Variants in UQCRB observed in about 807,000 individuals in gnomAD.
UQCRB encodes ubiquinol-cytochrome c reductase binding protein.
UQCRB carries 12 observed loss-of-function variants against 19.8 expected under a neutral mutation model. That is an observed-to-expected ratio of 0.61 (90% CI 0.39 to 0.98). The LOEUF (loss-of-function observed/expected upper bound fraction) is 0.98. Among genes scored for constraint, UQCRB ranks in the 50% least tolerant of loss-of-function variants. The pLI is 0.00. For synonymous variants in UQCRB, 39 were observed against 42.9 expected, an observed-to-expected ratio of 0.91 and a Z score of 0.35; for missense variants, 142 against 131.8, an observed-to-expected ratio of 1.08 and a Z score of -0.38.
rs1293094380 is a variant in UQCRB, at chr8:96,232,047, A to G, written c.92-107T>C. 3 of 1,068,534 alleles carry G rather than the reference A, an allele frequency of 2.8e-6. No homozygotes were observed. In the African/African-American group the frequency reaches 4.7e-5, roughly 17 times the overall value. The allele number at this position is 1,068,534 out of a possible 1,614,324, so 66.2% of individuals were successfully genotyped here. On this transcript the variant is annotated intron_variant, in intron 2 of 3. Transcript: ENST00000287022. ...TATAACTTACAACTTTTGGTGAACTATCGAATTCAAATCACTAGGTTCAAT... is the reference window on the plus strand; with the variant it reads ...TATAACTTACAACTTTTGGTGAACTGTCGAATTCAAATCACTAGGTTCAAT...
chr8:96,231,435 C>T, intron 3 of UQCRB: 1 of 1,536,088 alleles, frequency 6.5e-7, no homozygotes, highest in Non-Finnish European at 8.7e-7. Context: ...AGAAGCTCTT[C>T]TTGGGATCTG....
chr8:96,233,338 T>A, intron 1 of UQCRB, 111 bp from the exon 2 acceptor site: 1 of 990,502 alleles, frequency 1.0e-6, no homozygotes, highest in Non-Finnish European at 1.6e-6. Context: ...AACATAGAAA[T>A]AAATTTCCTT....
chr8:96,234,508 T>C, intron 1 of UQCRB: 1 of 1,288,886 alleles, frequency 7.8e-7, no homozygotes, highest in Non-Finnish European at 1.0e-6. Flanking sequence ...AGAAGCAGTG[T>C]CTTGAATTTA....
At position 96,224,336 on chromosome 8, in the gene UQCRB, G is replaced by C. The variant is rs1259268656; in HGVS notation, c.*6719C>G. 6.6e-6 allele frequency among the ~76,000 whole-genome samples: 1 copy of C among 152,180 alleles called. No homozygotes were observed. Among genetic ancestry groups the C allele is most frequent in the Non-Finnish European group, 1.5e-5 (1 of 68,026 alleles). On this transcript the variant is annotated 3_prime_UTR_variant, in exon 4 of 4. Coordinates refer to ENST00000287022, the MANE Select transcript of UQCRB (RefSeq NM_006294.5). ...AGCTTTCTTCAGAGGAACGTGGGCT[G>C]GGGAATAAATATCTCTGTCTCTCTC...
Position 96,233,140 on chromosome 8 carries a change from C to A in UQCRB, c.91+16G>T, listed in dbSNP as rs114435805. ...AACAACAACAACAAAAAACATTAAACAGCACAGCTGCTTACCCAGTTTATT... is the reference window on the plus strand; with the variant it reads ...AACAACAACAACAAAAAACATTAAAAAGCACAGCTGCTTACCCAGTTTATT... On this transcript the variant is annotated intron_variant, in intron 2 of 3. Transcript: ENST00000287022. 2 of 1,606,464 alleles carry A rather than the reference C, an allele frequency of 1.2e-6. No individual in the cohort carries two copies. Among genetic ancestry groups the A allele is most frequent in the East Asian group, 2.2e-5 (1 of 44,764 alleles).
intron 1 of UQCRB, chr8:96,234,528 C>A: frequency 7.8e-7 from 1 of 1,284,910 alleles, no homozygotes; most frequent in Non-Finnish European, 1.0e-6. Context: ...AGTAAGACTC[C>A]TTCAATATCT....
chr8:96,234,499 G>T, intron 1 of UQCRB: 1 of 1,288,970 alleles, frequency 7.8e-7, no homozygotes, highest in Non-Finnish European at 1.0e-6. Flanking sequence ...AACACGCACA[G>T]AAGCAGTGTC....
intron 1 of UQCRB, chr8:96,233,497 A>G: frequency 2.3e-6 from 1 of 430,458 alleles, no homozygotes; most frequent in Non-Finnish European, 4.2e-6. Flanking sequence ...AAGTCATGAA[A>G]GAAAAGGGTA....
At position 96,230,055 on chromosome 8, in the gene UQCRB, G is replaced by C. The variant is rs1341940418; in HGVS notation, c.*1000C>G. On this transcript the variant is annotated 3_prime_UTR_variant, in exon 4 of 4. Coordinates refer to ENST00000287022, the MANE Select transcript of UQCRB (RefSeq NM_006294.5). Reference sequence around the variant, plus strand: ...ACCAAAGAAAGCATTTCAGAATTTAGGAGTGGAAATGATGACAACATTGAA... The same window carrying C: ...ACCAAAGAAAGCATTTCAGAATTTACGAGTGGAAATGATGACAACATTGAA... 2.2e-6 allele frequency: 1 copy of C among 453,942 alleles called. No homozygotes were observed. Among genetic ancestry groups the C allele is most frequent in the Non-Finnish European group, 4.4e-6 (1 of 226,782 alleles). 28.1% of individuals were successfully genotyped at this position (453,942 alleles called of 1,614,324 possible). A position where few individuals can be genotyped will look rare whatever the true frequency, so the allele number is the denominator to read the frequency against.
chr8:96,231,822 G>A lies in UQCRB; in HGVS notation c.210C>T (p.Asn70=). ...MFRIKRALDL[N]LKHQILPKEQ... ...CTTTAGGCAAGATCTGATGCTTCAAGTTCAGGTCCAGTGCCCTCTTAATGC... is the reference window on the plus strand; with the variant it reads ...CTTTAGGCAAGATCTGATGCTTCAAATTCAGGTCCAGTGCCCTCTTAATGC... The change falls in exon 3 of 4, where the codon AAC becomes AAT. Residue 70 remains asparagine (N), a synonymous_variant. Transcript: ENST00000287022. 6.2e-7 allele frequency: 1 copy of A among 1,614,124 alleles called. No homozygotes were observed. The highest frequency in any genetic ancestry group is 1.1e-5 in the South Asian group (1 of 91,086).
In UQCRB at chr8:96,224,616, C is replaced by T. The variant is rs79360341; in HGVS notation, c.*6439G>A. 0.043 allele frequency among the ~76,000 whole-genome samples: 6,535 copies of T among 152,222 alleles called. 204 individuals are homozygous for T. Among genetic ancestry groups the T allele is most frequent in the Non-Finnish European group, 0.063 (4,298 of 68,008 alleles). ...TCAACAGACCCGTGTTTGTGGAGCC[C>T]CTCCGGACCTCTCTCTTTTACCCTT... On this transcript the variant is annotated 3_prime_UTR_variant, in exon 4 of 4. Transcript: ENST00000287022.
chr8:96,229,412 A>G lies in UQCRB; in HGVS notation c.*1643T>C, dbSNP rs1297922432. The G allele has an allele frequency of 4.0e-5, 18 of 454,088 alleles. No homozygotes were observed. The highest frequency in any genetic ancestry group is 2.8e-4 in the East Asian group (4 of 14,392). 28.1% of individuals were successfully genotyped at this position (454,088 alleles called of 1,614,324 possible). Reference sequence around the variant, plus strand: ...CCTCCCTCCACCCACCCGGCTCCCTACACACCTTGACAGTGCTCTTTGAGA... The same window carrying G: ...CCTCCCTCCACCCACCCGGCTCCCTGCACACCTTGACAGTGCTCTTTGAGA... On this transcript the variant is annotated 3_prime_UTR_variant, in exon 4 of 4. Coordinates refer to ENST00000287022, the MANE Select transcript of UQCRB (RefSeq NM_006294.5).
chr8:96,233,332 T>C (rs998757903), intron 1 of UQCRB, 105 bp from the exon 2 acceptor site: 5 of 1,019,122 alleles, frequency 4.9e-6, no homozygotes, highest in African/African-American at 4.8e-5. Flanking sequence ...AATGCAAACA[T>C]AGAAATAAAT....
rs1809783934 is a variant in UQCRB at position 96,235,322 on chromosome 8, TAC to T, written c.19+188_19+189del. ...ACAGCGGGTTAACATCCCAACCCTA[TAC>T]AGGCAAGCCCGCCCTGGGGACAGCA... On this transcript the variant is annotated intron_variant, in intron 1 of 3. Coordinates refer to ENST00000287022, the MANE Select transcript of UQCRB (RefSeq NM_006294.5). The T allele has an allele frequency of 8.3e-6, 7 of 841,630 alleles. 1 individual carries two copies. In the South Asian group the frequency reaches 1.1e-4, roughly 13 times the overall value. The allele number at this position is 841,630 out of a possible 1,614,324, so 52.1% of individuals were successfully genotyped here. A position where few individuals can be genotyped will look rare whatever the true frequency, so the allele number is the denominator to read the frequency against.
Position 96,228,494 on chromosome 8 carries a change from T to G in UQCRB, c.*2561A>C, listed in dbSNP as rs187803166. 2.2e-6 allele frequency: 1 copy of G among 453,948 alleles called. No homozygotes were observed. The highest frequency in any genetic ancestry group is 4.4e-6 in the Non-Finnish European group (1 of 226,770). 28.1% of individuals were successfully genotyped at this position (453,948 alleles called of 1,614,324 possible). On this transcript the variant is annotated 3_prime_UTR_variant, in exon 4 of 4. Transcript: ENST00000287022. ...ATGAACCAGAAACAAGAGTGCCACATAGAAGGAAGAGAGGAGACCTTGGAC... is the reference window on the plus strand; with the variant it reads ...ATGAACCAGAAACAAGAGTGCCACAGAGAAGGAAGAGAGGAGACCTTGGAC...
chr8:96,231,983 A>G (rs765687499), intron 2 of UQCRB, 43 bp from the exon 3 acceptor site: 3 of 1,605,876 alleles, frequency 1.9e-6, no homozygotes, highest in Non-Finnish European at 2.5e-6. Context: ...CATCTCAAAA[A>G]TCGCGGTTTT....
rs145974195 is a variant in UQCRB, at chr8:96,231,854, T to C, written c.178A>G (p.Met60Val). ...RLPENLYNDR[M>V]FRIKRALDLN... ...TCCAGTGCCCTCTTAATGCGAAACA[T>C]CCTGTCATTATAAAGGTTCTCAGGA... The change falls in exon 3 of 4, where the codon ATG becomes GTG. Residue 60 changes from methionine to valine, a missense_variant. Met to Val is a conservative substitution (Grantham distance 21). Transcript: ENST00000287022. The C allele has an allele frequency of 6.2e-7, 1 of 1,614,042 alleles. No homozygotes were observed. The highest frequency in any genetic ancestry group is 1.3e-5 in the African/African-American group (1 of 74,924).
Position 96,230,684 on chromosome 8 carries a change from A to G in UQCRB, c.*371T>C, listed in dbSNP as rs1471198983. 3 of 469,608 alleles carry G rather than the reference A, an allele frequency of 6.4e-6. No individual in the cohort carries two copies. The highest frequency in any genetic ancestry group is 1.3e-5 in the Non-Finnish European group (3 of 237,630). 29.1% of individuals were successfully genotyped at this position (469,608 alleles called of 1,614,324 possible). A position where few individuals can be genotyped will look rare whatever the true frequency, so the allele number is the denominator to read the frequency against. Reference sequence around the variant, plus strand: ...ATACCAGTGAAGAGGCTATTTCTCAATCTTGGCAAACTAGGGGGTGCATAC... The same window carrying G: ...ATACCAGTGAAGAGGCTATTTCTCAGTCTTGGCAAACTAGGGGGTGCATAC... On this transcript the variant is annotated 3_prime_UTR_variant, in exon 4 of 4. Transcript: ENST00000287022.
In UQCRB at chr8:96,228,913, A is replaced by G; in HGVS notation, c.*2142T>C. 1 of 454,090 alleles carries G rather than the reference A, an allele frequency of 2.2e-6. No homozygotes were observed. Among genetic ancestry groups the G allele is most frequent in the Non-Finnish European group, 4.4e-6 (1 of 226,782 alleles). 28.1% of individuals were successfully genotyped at this position (454,090 alleles called of 1,614,324 possible). A position where few individuals can be genotyped will look rare whatever the true frequency, so the allele number is the denominator to read the frequency against. On this transcript the variant is annotated 3_prime_UTR_variant, in exon 4 of 4. Coordinates refer to ENST00000287022, the MANE Select transcript of UQCRB (RefSeq NM_006294.5). The stretch of plus-strand genomic sequence containing the variant: ...GAGTGCCTGTGTTTCAGGCACTCTC[A>G]TGGTGATTTTCCACACAGGACGGCT...
Sources: allele counts gnomAD v4.1 joint callset (sites outside exome capture counted in the v4.1 genomes callset), GRCh38; gene constraint gnomAD v4.1.1; transcripts MANE v1.5; gene names NCBI Gene and HGNC (gene_info 2026-07-23, HGNC 2026-07-21).